Variants in RBMS1 observed in about 807,000 individuals in gnomAD.
The protein encoded by RBMS1 is RNA binding motif single stranded interacting protein 1, also known as RNA-binding motif, single-stranded-interacting protein 1.
Under a neutral mutation model 62.3 loss-of-function variants are expected in RBMS1, and 17 were observed. The observed-to-expected ratio is 0.27, with a 90% CI of 0.19 to 0.41. The LOEUF is 0.41. Ranked by LOEUF, RBMS1 falls within the 10% of genes least tolerant of loss-of-function variation. The pLI is 1.00. For missense variants in RBMS1, 334 were observed against 504.5 expected, an observed-to-expected ratio of 0.66 and a Z score of 3.24; for synonymous variants, 172 against 170.0, an observed-to-expected ratio of 1.01 and a Z score of -0.09.
At chr2:160,321,555 T>C (rs1690562134) in intron 2 of RBMS1, among the ~76,000 whole-genome samples, 1 of 152,194 alleles carries the variant, frequency 6.6e-6, no homozygotes, top group African/African-American at 2.4e-5. Context: ...AATACCTTAA[T>C]ATTTTATTAG....
At chr2:160,467,241 T>C (rs1234782932) in intron 1 of RBMS1, among the ~76,000 whole-genome samples, 1 of 149,816 alleles carries the variant, frequency 6.7e-6, no homozygotes, top group African/African-American at 2.4e-5. Flanking sequence ...GACCAACTGC[T>C]GTGAGGAATG....
Position 160,462,873 on chromosome 2 carries a change from G to GGCA in RBMS1, c.75+30415_75+30416insTGC, listed in dbSNP as rs66603203. Among the ~76,000 whole-genome samples, 894 of 97,738 alleles carry GGCA rather than the reference G, an allele frequency of 9.1e-3. 7 individuals carry two copies. The highest frequency in any genetic ancestry group is 0.026 in the African/African-American group (852 of 33,070). The allele number at this position is 97,738 out of a possible 152,430, so 64.1% of individuals were successfully genotyped here. A position where few individuals can be genotyped will look rare whatever the true frequency, so the allele number is the denominator to read the frequency against. On this transcript the variant is annotated intron_variant, in intron 1 of 13. Transcript: ENST00000348849. ...GGTCCCCCAAAGTGCTGGGATTACA[G>GGCA]GCGTGAGCCACAGCACCTGGCCAGC...
intron 1 of RBMS1, among the ~76,000 whole-genome samples, chr2:160,417,648 T>C (rs1696258983): frequency 6.6e-6 from 1 of 152,188 alleles, no homozygotes; most frequent in Non-Finnish European, 1.5e-5. Flanking sequence ...AAAGACACCA[T>C]AACTTACAAC....
chr2:160,352,406 A>G (rs1229263214), intron 2 of RBMS1, among the ~76,000 whole-genome samples: 1 of 152,164 alleles, frequency 6.6e-6, no homozygotes, highest in Non-Finnish European at 1.5e-5. Flanking sequence ...GCTCTGAAGA[A>G]GTACTTTAGG....
chr2:160,284,735 G>A (rs748486870), intron 9 of RBMS1, 40 bp downstream of exon 9: 46 of 1,396,004 alleles, frequency 3.3e-5, no homozygotes, highest in Middle Eastern at 1.8e-4. Flanking sequence ...TTCATGGTCC[G>A]CAAGTGGTTA....
chr2:160,293,019 CTGTG>C (rs527607383), intron 6 of RBMS1, among the ~76,000 whole-genome samples: 16 of 152,200 alleles, frequency 1.1e-4, no homozygotes, highest in Non-Finnish European at 1.9e-4. Context: ...GCTCATGATG[CTGTG>C]TGAGTTCAGA....
intron 6 of RBMS1, among the ~76,000 whole-genome samples, chr2:160,295,593 G>A (rs2105945375): frequency 6.6e-6 from 1 of 152,328 alleles, no homozygotes; most frequent in African/African-American, 2.4e-5. Flanking sequence ...TAGCTGTGAA[G>A]GTGAAGAGGA....
At chr2:160,429,338 T>C (rs1223566243) in intron 1 of RBMS1, among the ~76,000 whole-genome samples, 2 of 152,210 alleles carry the variant, frequency 1.3e-5, no homozygotes, top group Non-Finnish European at 2.9e-5. Context: ...GGGCATCTTC[T>C]GATGGTAAGA....
rs559497165 is a variant in RBMS1, at chr2:160,338,801, G to A, written c.252-20574C>T. ...CCATAAGACAGAGAAGACAGGGTGTGCACAGAGGAGCCTCTGATAATCACC... is the reference window on the plus strand; with the variant it reads ...CCATAAGACAGAGAAGACAGGGTGTACACAGAGGAGCCTCTGATAATCACC... On this transcript the variant is annotated intron_variant, in intron 2 of 13. Transcript: ENST00000348849. Among the ~76,000 whole-genome samples the A allele has an allele frequency of 1.5e-4, 23 of 152,268 alleles. No homozygotes were observed. The South Asian group carries it at 4.4e-3, about 29-fold the overall frequency.
chr2:160,366,911 C>T (rs979441931), intron 2 of RBMS1: 37 of 197,112 alleles, frequency 1.9e-4, no homozygotes, highest in Non-Finnish European at 2.7e-4. Flanking sequence ...AATGAGAACT[C>T]CTGAAAAATA....
intron 2 of RBMS1, among the ~76,000 whole-genome samples, chr2:160,354,289 G>T (rs1433682827): frequency 6.6e-6 from 1 of 152,094 alleles, no homozygotes; most frequent in Non-Finnish European, 1.5e-5. Flanking sequence ...AATAAGTATG[G>T]CTTTTAAAAG....
chr2:160,299,769 T>C (rs1418480290), intron 6 of RBMS1, among the ~76,000 whole-genome samples: 1 of 152,082 alleles, frequency 6.6e-6, no homozygotes, highest in Admixed American at 6.6e-5. Flanking sequence ...AGTCATCCAC[T>C]TGAGATTAGG....
At chr2:160,396,000 G>A (rs1358411422) in intron 1 of RBMS1, among the ~76,000 whole-genome samples, 2 of 152,126 alleles carry the variant, frequency 1.3e-5, no homozygotes, top group Non-Finnish European at 2.9e-5. Context: ...AATGTGCCAC[G>A]TGCTGTCACC....
At chr2:160,377,313 TC>T (rs1245545766) in intron 1 of RBMS1, among the ~76,000 whole-genome samples, 4 of 152,224 alleles carry the variant, frequency 2.6e-5, no homozygotes, top group Non-Finnish European at 5.9e-5. Flanking sequence ...AACTGATACT[TC>T]CCACTAATAT....
chr2:160,287,993 G>T (rs1038320284), intron 6 of RBMS1, among the ~76,000 whole-genome samples: 27 of 147,348 alleles, frequency 1.8e-4, no homozygotes, highest in Admixed American at 1.6e-3. Flanking sequence ...GGCCAAAACA[G>T]AAAAGCAGAA....
chr2:160,454,246 C>T (rs1684116441), intron 1 of RBMS1, among the ~76,000 whole-genome samples: 1 of 152,184 alleles, frequency 6.6e-6, no homozygotes, highest in Admixed American at 6.5e-5. Flanking sequence ...GCAAGGACAA[C>T]ACACCATTTC....
chr2:160,493,488 T>A lies in RBMS1; in HGVS notation c.-125A>T. On this transcript the variant is annotated 5_prime_UTR_variant, in exon 1 of 14. Coordinates refer to ENST00000348849, the MANE Select transcript of RBMS1 (RefSeq NM_016836.4). ...CGGCGGCGGCGGCGGCTGCTGCTGCTGCCGCTGCTCCACCTCCCAGCCGGG... is the reference window on the plus strand; with the variant it reads ...CGGCGGCGGCGGCGGCTGCTGCTGCAGCCGCTGCTCCACCTCCCAGCCGGG... The A allele has an allele frequency of 1.3e-6, 1 of 787,836 alleles. No homozygotes were observed. Among genetic ancestry groups the A allele is most frequent in the Admixed American group, 2.2e-5 (1 of 45,982 alleles). The allele number at this position is 787,836 out of a possible 1,614,324, so 48.8% of individuals were successfully genotyped here. A position where few individuals can be genotyped will look rare whatever the true frequency, so the allele number is the denominator to read the frequency against.
rs1477673511 is a variant in RBMS1, at chr2:160,272,356, A to G, written c.*2416T>C. On this transcript the variant is annotated 3_prime_UTR_variant, in exon 14 of 14. Coordinates refer to ENST00000348849, the MANE Select transcript of RBMS1 (RefSeq NM_016836.4). ...CTAGTAAAACAAAAATAAAAAATTA[A>G]CTCTCTTGATCATATAGATATCTCT... 1 of 152,064 alleles carries G rather than the reference A, an allele frequency of 6.6e-6. No individual in the cohort carries two copies. The highest frequency in any genetic ancestry group is 1.5e-5 in the Non-Finnish European group (1 of 68,012). 9.4% of individuals were successfully genotyped at this position (152,064 alleles called of 1,614,324 possible). A position where few individuals can be genotyped will look rare whatever the true frequency, so the allele number is the denominator to read the frequency against.
At chr2:160,352,191 CTAA>C (rs1346660754) in intron 2 of RBMS1, among the ~76,000 whole-genome samples, 1 of 152,112 alleles carries the variant, frequency 6.6e-6, no homozygotes, top group Non-Finnish European at 1.5e-5. Flanking sequence ...TTTCCCAGCT[CTAA>C]TGCCGGAAGG....
Sources: gnomAD v4.1 joint callset for allele counts (sites outside exome capture counted in the v4.1 genomes callset) on GRCh38, gnomAD v4.1.1 for gene constraint, MANE v1.5 for transcripts, NCBI Gene and HGNC (gene_info 2026-07-23, HGNC 2026-07-21) for gene names.